Variants in PACRG observed in about 807,000 individuals in gnomAD.
PACRG encodes the protein parkin coregulated.
In PACRG, 29 loss-of-function variants were observed where a neutral mutation model predicts 29.7. That is an observed-to-expected ratio of 0.98 (90% confidence interval 0.73 to 1.33). The LOEUF (loss-of-function observed/expected upper bound fraction) is 1.33, where lower values mean the gene tolerates loss of function less well. PACRG is among the 40% of genes most tolerant of loss of function. The pLI is 0.00. For missense variants in PACRG, 279 were observed against 316.2 expected (o/e 0.88, Z 0.89); for synonymous variants, 116 against 118.7 (o/e 0.98, Z 0.15).
intron 1 of PACRG, among the ~76,000 whole-genome samples, chr6:162,750,199 T>A (rs1023144598): frequency 5.9e-5 from 9 of 152,328 alleles, no homozygotes; most frequent in Admixed American, 4.6e-4. Flanking sequence ...TCACATTTTA[T>A]AAGAAACCAT....
At chr6:163,147,843 C>T (rs145810914) in intron 4 of PACRG, among the ~76,000 whole-genome samples, 1 of 152,158 alleles carries the variant, frequency 6.6e-6, no homozygotes, top group East Asian at 1.9e-4. Flanking sequence ...GATGCTACCC[C>T]CTTAGCAATG....
intron 4 of PACRG, among the ~76,000 whole-genome samples, chr6:163,169,722 A>G (rs547133183): frequency 6.6e-6 from 1 of 152,348 alleles, no homozygotes; most frequent in Admixed American, 6.5e-5. Flanking sequence ...ACGGCTCAGG[A>G]GAGAGAGGCC....
At chr6:162,776,668 G>T (rs1783667507) in intron 1 of PACRG, among the ~76,000 whole-genome samples, 2 of 152,158 alleles carry the variant, frequency 1.3e-5, no homozygotes, top group South Asian at 4.1e-4. Context: ...AAGAGCATTT[G>T]GTAGGAGCCC....
At chr6:163,136,725 T>C (rs1018436717) in intron 4 of PACRG, among the ~76,000 whole-genome samples, 3 of 152,220 alleles carry the variant, frequency 2.0e-5, no homozygotes, top group Non-Finnish European at 4.4e-5. Context: ...TTTTTGCCAA[T>C]TTAGGGATTA....
rs75908609 is a variant in PACRG, at chr6:163,181,324, C to T, written c.613+91916C>T. On this transcript the variant is annotated intron_variant, in intron 4 of 4. Coordinates refer to ENST00000366888, the MANE Select transcript of PACRG (RefSeq NM_001080379.2). ...GAACTTTGACCCACACACTCAGCCC[C>T]GATCTCTGTGGCCACCTCTGTGATA... 9.0e-3 allele frequency among the ~76,000 whole-genome samples: 1,366 copies of T among 152,288 alleles called. 23 individuals are homozygous for T. Among genetic ancestry groups the T allele is most frequent in the African/African-American group, 0.032 (1,315 of 41,566 alleles).
Position 162,894,373 on chromosome 6 carries a change from C to G in PACRG, c.291+80092C>G, listed in dbSNP as rs1795008151. 2.0e-5 allele frequency among the ~76,000 whole-genome samples: 3 copies of G among 152,118 alleles called. No individual in the cohort carries two copies. In the South Asian group the frequency reaches 6.2e-4, roughly 32 times the overall value. On this transcript the variant is annotated intron_variant, in intron 2 of 4. Coordinates refer to ENST00000366888, the MANE Select transcript of PACRG (RefSeq NM_001080379.2). ...TATAGTTTGGTTGCAAAAGTAAGACCAAGTTGACTAAGATATAATGGTCTT... is the reference window on the plus strand; with the variant it reads ...TATAGTTTGGTTGCAAAAGTAAGACGAAGTTGACTAAGATATAATGGTCTT...
In PACRG at chr6:162,956,782, A is replaced by G. The variant is rs1352141933; in HGVS notation, c.292-105368A>G. ...AGTCATACTAGGTTAGGACCTGTCT[A>G]AAGACCTCCAGTCAACTTGACTACA... On this transcript the variant is annotated intron_variant, in intron 2 of 4. Transcript: ENST00000366888. Among the ~76,000 whole-genome samples the G allele has an allele frequency of 7.2e-5, 11 of 152,166 alleles. No individual in the cohort carries two copies. The East Asian group carries it at 2.1e-3, about 29-fold the overall frequency.
At chr6:162,753,775 C>T (rs1028528926) in intron 1 of PACRG, among the ~76,000 whole-genome samples, 1 of 152,136 alleles carries the variant, frequency 6.6e-6, no homozygotes, top group African/African-American at 2.4e-5. Context: ...GTAAGACATG[C>T]CTTGCTTCCC....
chr6:163,234,903 CTT>C (rs1361514223), intron 4 of PACRG, among the ~76,000 whole-genome samples: 1 of 152,118 alleles, frequency 6.6e-6, no homozygotes, highest in African/African-American at 2.4e-5. Context: ...ACAGGCAACT[CTT>C]TTTAAAAAGT....
chr6:163,249,292 A>G (rs1431779174), intron 4 of PACRG, among the ~76,000 whole-genome samples: 1 of 152,220 alleles, frequency 6.6e-6, no homozygotes, highest in Non-Finnish European at 1.5e-5. Context: ...ATGGCTAATC[A>G]TTTCAAAAGA....
intron 4 of PACRG, among the ~76,000 whole-genome samples, chr6:163,197,434 CTTTTT>C (rs57942658): frequency 5.6e-3 from 598 of 106,262 alleles, no homozygotes; most frequent in African/African-American, 0.019. Flanking sequence ...CTTTTCTTTT[CTTTTT>C]TTTTTTTTTT....
intron 2 of PACRG, among the ~76,000 whole-genome samples, chr6:162,906,719 G>A (rs1054796275): frequency 3.9e-5 from 6 of 152,146 alleles, no homozygotes; most frequent in African/African-American, 1.4e-4. Context: ...AGATCTTTAT[G>A]CCTCTGCCTG....
intron 2 of PACRG, among the ~76,000 whole-genome samples, chr6:162,947,629 T>C (rs1386184007): frequency 1.5e-5 from 1 of 67,750 alleles, no homozygotes; most frequent in East Asian, 3.5e-4. Context: ...TATATATATA[T>C]ATATATATAT....
At chr6:163,067,583 A>T (rs988530663) in intron 3 of PACRG, among the ~76,000 whole-genome samples, 8 of 152,214 alleles carry the variant, frequency 5.3e-5, no homozygotes, top group African/African-American at 1.9e-4. Flanking sequence ...AGCCAAGGTA[A>T]CTTGTAAAAA....
At chr6:163,053,569 A>G (rs1037769080) in intron 2 of PACRG, among the ~76,000 whole-genome samples, 1 of 152,226 alleles carries the variant, frequency 6.6e-6, no homozygotes, top group Admixed American at 6.5e-5. Flanking sequence ...AATGATTTCT[A>G]GTGAAATGAG....
intron 2 of PACRG, among the ~76,000 whole-genome samples, chr6:162,914,592 A>G (rs1584745021): frequency 9.2e-6 from 1 of 108,180 alleles, no homozygotes; most frequent in Admixed American, 1.1e-4. Flanking sequence ...CAACTTGCCC[A>G]TTTTTACCAA....
At chr6:163,278,075 C>T (rs1035756624) in intron 4 of PACRG, among the ~76,000 whole-genome samples, 3 of 152,028 alleles carry the variant, frequency 2.0e-5, no homozygotes, top group African/African-American at 7.2e-5. Flanking sequence ...ATTTTCATTT[C>T]CCTGATAATT....
chr6:163,001,087 G>A (rs967711754), intron 2 of PACRG, among the ~76,000 whole-genome samples: 2 of 152,230 alleles, frequency 1.3e-5, no homozygotes, highest in East Asian at 3.9e-4. Flanking sequence ...GGTTACAGGT[G>A]TGCATGGCTC....
rs545319633 is a variant in PACRG at position 163,117,078 on chromosome 6, T to C, written c.613+27670T>C. 3.3e-5 allele frequency among the ~76,000 whole-genome samples: 5 copies of C among 152,084 alleles called. No individual in the cohort carries two copies. The East Asian group carries it at 9.7e-4, about 29-fold the overall frequency. ...GCATGCCCAGGTACAGCTAGGAAAG[T>C]GGAAAATCAGAAAGCCAGGAGAGGA... On this transcript the variant is annotated intron_variant, in intron 4 of 4. Transcript: ENST00000366888.
Sources: gnomAD v4.1 joint callset for allele counts (sites outside exome capture counted in the v4.1 genomes callset) on GRCh38, gnomAD v4.1.1 for gene constraint, MANE v1.5 for transcripts, NCBI Gene and HGNC (gene_info 2026-07-23, HGNC 2026-07-21) for gene names.